Variants in RUNX1 observed in about 807,000 individuals in gnomAD.
The protein encoded by RUNX1 is RUNX family transcription factor 1.
RUNX1 carries 19 observed loss-of-function variants against 42.8 expected under a neutral mutation model. That is an observed-to-expected ratio of 0.44 (90% CI 0.31 to 0.65). The LOEUF (loss-of-function observed/expected upper bound fraction) is 0.65, where lower values mean the gene tolerates loss of function less well. Among genes scored for constraint, RUNX1 ranks in the 30% least tolerant of loss-of-function variants. RUNX1 has a pLI of 0.07. For missense variants in RUNX1, 528 were observed against 672.0 expected, an observed-to-expected ratio of 0.79 and a Z score of 2.37; for synonymous variants, 271 against 289.4, an observed-to-expected ratio of 0.94 and a Z score of 0.64.
chr21:34,960,163 C>G (rs73900741), intron 2 of RUNX1, among the ~76,000 whole-genome samples: 7,184 of 152,138 alleles, frequency 0.047, 536 homozygotes, highest in African/African-American at 0.16. Context: ...CACAGCTGTT[C>G]TGTGTGTGGT....
intron 6 of RUNX1, among the ~76,000 whole-genome samples, chr21:34,857,993 C>G (rs2057519124): frequency 6.6e-6 from 1 of 152,134 alleles, no homozygotes; most frequent in Admixed American, 6.5e-5. Context: ...CTGAGAGGGC[C>G]CTCTGGGGAA....
At chr21:34,889,780 C>T in intron 3 of RUNX1, 9 of 1,143,776 alleles carry the variant, frequency 7.9e-6, no homozygotes, top group Non-Finnish European at 9.7e-6. Flanking sequence ...CCGGCGTGCG[C>T]TGCCAACTCC....
chr21:34,798,010 G>A (rs567256529), intron 8 of RUNX1: 28 of 456,562 alleles, frequency 6.1e-5, no homozygotes, highest in African/African-American at 1.4e-4. Flanking sequence ...TAGTACTGCC[G>A]TTGTGAAGCT....
chr21:35,025,247 G>T (rs186827694), intron 2 of RUNX1, among the ~76,000 whole-genome samples: 73 of 152,328 alleles, frequency 4.8e-4, no homozygotes, highest in Non-Finnish European at 8.8e-4. Flanking sequence ...AAATGAGAAA[G>T]AAGTCCATTT....
intron 3 of RUNX1, chr21:34,889,741 C>T (rs928134532): frequency 1.8e-5 from 21 of 1,176,556 alleles, no homozygotes; most frequent in Non-Finnish European, 2.1e-5. Context: ...CGGGCATTTT[C>T]GCGGAGCTCG....
chr21:34,892,438 A>G (rs2058090786), intron 3 of RUNX1, among the ~76,000 whole-genome samples: 1 of 152,330 alleles, frequency 6.6e-6, no homozygotes, highest in African/African-American at 2.4e-5. Context: ...GTGGGATGCT[A>G]TGGTTAATGT....
chr21:34,877,638 G>A (rs1355973270), intron 5 of RUNX1, among the ~76,000 whole-genome samples: 1 of 152,234 alleles, frequency 6.6e-6, no homozygotes, highest in Non-Finnish European at 1.5e-5. Flanking sequence ...CAGGGCCAGT[G>A]TAGCCAGCGA....
intron 2 of RUNX1, among the ~76,000 whole-genome samples, chr21:34,961,006 C>T (rs1331443477): frequency 2.0e-5 from 3 of 152,076 alleles, no homozygotes; most frequent in Non-Finnish European, 2.9e-5. Context: ...CATAAGAAGC[C>T]GTAGGTAGTC....
chr21:34,898,677 G>A (rs1164475446), intron 2 of RUNX1, among the ~76,000 whole-genome samples: 1 of 152,154 alleles, frequency 6.6e-6, no homozygotes, highest in East Asian at 1.9e-4. Flanking sequence ...CGCACCAGTG[G>A]ATTGTGAACA....
chr21:34,801,284 C>G (rs540704872), intron 7 of RUNX1, among the ~76,000 whole-genome samples: 2 of 152,074 alleles, frequency 1.3e-5, no homozygotes, highest in African/African-American at 2.4e-5. Context: ...CAGTAATTCA[C>G]GCCTTGTTGT....
rs1601333587 is a variant in RUNX1 at position 34,792,539 on chromosome 21, T to C, written c.1039A>G (p.Met347Val). 3.1e-6 allele frequency: 5 copies of C among 1,606,352 alleles called. No individual in the cohort carries two copies. Among genetic ancestry groups the C allele is most frequent in the Non-Finnish European group, 4.2e-6 (5 of 1,176,712 alleles). ...PALPSISDPR[M>V]HYPGAFTYSP... The stretch of plus-strand genomic sequence containing the variant: ...TAGGTGAAGGCGCCTGGATAGTGCA[T>C]GCGGGGGTCGGAGATGGAGGGCAGC... The change falls in exon 9 of 9, where the codon ATG becomes GTG. Residue 347 changes from methionine to valine, a missense_variant. Physicochemically the swap from Met to Val is conservative, Grantham distance 21. Transcript: ENST00000675419. This position sits in a 1 kb window ranked among gnomAD's most constrained non-coding sequence, Gnocchi z 6.9.
At chr21:34,999,710 C>T (rs2059025612) in intron 2 of RUNX1, among the ~76,000 whole-genome samples, 1 of 152,176 alleles carries the variant, frequency 6.6e-6, no homozygotes, top group Non-Finnish European at 1.5e-5. Flanking sequence ...AGGCCTTCAG[C>T]CCACGGAAAG....
intron 4 of RUNX1, among the ~76,000 whole-genome samples, chr21:34,882,339 C>T (rs1404789379): frequency 1.3e-5 from 2 of 152,184 alleles, no homozygotes; most frequent in African/African-American, 4.8e-5. Context: ...AACTAACTCA[C>T]TATGAGAGAT....
chr21:34,860,430 T>C (rs1312328133), intron 5 of RUNX1, among the ~76,000 whole-genome samples: 1 of 152,174 alleles, frequency 6.6e-6, no homozygotes, highest in African/African-American at 2.4e-5. Context: ...ATGCAAATTT[T>C]CCTACCTTAG....
intron 7 of RUNX1, among the ~76,000 whole-genome samples, chr21:34,802,487 A>G (rs2056621162): frequency 6.6e-6 from 1 of 152,176 alleles, no homozygotes; most frequent in African/African-American, 2.4e-5. Flanking sequence ...TCATTTATTC[A>G]TTCATGTGTT....
At chr21:35,038,370 G>T in intron 2 of RUNX1, 1 of 351,746 alleles carries the variant, frequency 2.8e-6, no homozygotes, top group East Asian at 7.6e-5. Flanking sequence ...ATTCCTCCTG[G>T]AGCTGAGTGG....
chr21:35,008,078 G>A (rs2059098837), intron 2 of RUNX1, among the ~76,000 whole-genome samples: 1 of 152,126 alleles, frequency 6.6e-6, no homozygotes, highest in Admixed American at 6.5e-5. Context: ...CTGATCCATG[G>A]TGCTCCTTGG....
chr21:34,978,467 T>C (rs1042498709), intron 2 of RUNX1, among the ~76,000 whole-genome samples: 26 of 152,230 alleles, frequency 1.7e-4, no homozygotes, highest in African/African-American at 6.3e-4. Context: ...ATAATTTTGA[T>C]GTGTTATTAT....
intron 2 of RUNX1, among the ~76,000 whole-genome samples, chr21:34,957,768 G>A (rs1447926235): frequency 2.0e-5 from 3 of 152,184 alleles, no homozygotes; most frequent in African/African-American, 7.2e-5. Flanking sequence ...ATAAACTGAA[G>A]TGTTCTTGTC....
Sources: allele counts gnomAD v4.1 joint callset (sites outside exome capture counted in the v4.1 genomes callset), GRCh38; gene constraint gnomAD v4.1.1; non-coding constraint Gnocchi (gnomAD v3.1); transcripts MANE v1.5; gene names NCBI Gene and HGNC (gene_info 2026-07-23, HGNC 2026-07-21).